Variants in TTC6 observed in about 807,000 individuals in gnomAD.
TTC6 encodes the protein tetratricopeptide repeat domain 6.
In TTC6, 172 loss-of-function variants were observed where a neutral mutation model predicts 210.4. The ratio of observed to expected loss-of-function variants is 0.82; its 90% confidence interval spans 0.72 to 0.93. TTC6 has a LOEUF of 0.93. Among genes scored for constraint, TTC6 ranks in the 40% least tolerant of loss-of-function variants. The pLI is 0.00. For missense variants in TTC6, 2,414 were observed against 2,318.1 expected (o/e 1.04, Z -0.85); for synonymous variants, 804 against 819.6 (o/e 0.98, Z 0.32).
At chr14:37,610,425 G>A (rs1218043865) in intron 2 of TTC6, among the ~76,000 whole-genome samples, 1 of 152,188 alleles carries the variant, frequency 6.6e-6, no homozygotes, top group Non-Finnish European at 1.5e-5. Flanking sequence ...TTTGGAGAGA[G>A]AGGGGTTGGT....
chr14:37,659,300 C>G (rs1393073219), intron 1 of TTC6, among the ~76,000 whole-genome samples: 1 of 151,964 alleles, frequency 6.6e-6, no homozygotes, highest in Non-Finnish European at 1.5e-5. Flanking sequence ...ATGTAACAAC[C>G]TAAATGGGAT....
intron 2 of TTC6, among the ~76,000 whole-genome samples, chr14:37,613,806 G>A (rs1248590312): frequency 6.6e-6 from 1 of 151,136 alleles, no homozygotes; most frequent in Non-Finnish European, 1.5e-5. Flanking sequence ...AGGTTTTATA[G>A]TGAAATCCTC....
At chr14:37,705,740 C>T (rs765139889) in intron 5 of TTC6, among the ~76,000 whole-genome samples, 19 of 137,360 alleles carry the variant, frequency 1.4e-4, no homozygotes, top group East Asian at 6.7e-4. Context: ...ACTGTGAATG[C>T]GACAATTAAT....
intron 24 of TTC6, among the ~76,000 whole-genome samples, chr14:37,809,364 C>T (rs1026812202): frequency 2.6e-5 from 4 of 151,262 alleles, no homozygotes; most frequent in Admixed American, 6.6e-5. Context: ...GCCATTCTCC[C>T]GCCTCAGCCT....
chr14:37,792,281 A>T (rs1371287132), exon 17 of TTC6: 1 of 1,514,652 alleles, frequency 6.6e-7, no homozygotes, highest in South Asian at 1.3e-5. Context: ...ACTTTGGCTT[A>T]TGTAAATATT....
intron 5 of TTC6, among the ~76,000 whole-genome samples, chr14:37,711,302 A>G (rs1023467115): frequency 5.3e-5 from 8 of 152,146 alleles, no homozygotes; most frequent in East Asian, 1.9e-4. Flanking sequence ...AAACAAGCCT[A>G]TGCTCTACTG....
At chr14:37,685,837 A>G (rs1196467403) in intron 3 of TTC6, among the ~76,000 whole-genome samples, 1 of 152,146 alleles carries the variant, frequency 6.6e-6, no homozygotes, top group East Asian at 1.9e-4. Flanking sequence ...GGCAACTGCA[A>G]ATATGACTTT....
In TTC6 at chr14:37,823,871, A is replaced by G. The variant is rs373123106; in HGVS notation, c.4888A>G (p.Lys1630Glu). Residue 1630 changes from lysine to glutamate, a missense_variant, in exon 27 of 31, where the codon AAG becomes GAG. Lys to Glu is a moderately conservative substitution (Grantham distance 56, BLOSUM62 1). Transcript: ENST00000553443. Reference sequence around the variant, plus strand: ...GGAATACGGTCATGATGAAGCCACCAAGCAAGCACAGAAAGACTTTCTGAA... The same window carrying G: ...GGAATACGGTCATGATGAAGCCACCGAGCAAGCACAGAAAGACTTTCTGAA... The G allele has an allele frequency of 5.6e-6, 9 of 1,613,920 alleles. No individual in the cohort carries two copies. In the Admixed American group the frequency reaches 6.7e-5, roughly 12 times the overall value.
At chr14:37,632,570 A>G (rs1441758886) in intron 1 of TTC6, among the ~76,000 whole-genome samples, 3 of 152,108 alleles carry the variant, frequency 2.0e-5, no homozygotes, top group African/African-American at 4.8e-5. Context: ...GCTGGGAGGT[A>G]TTGCTCTGTC....
At chr14:37,649,953 T>C (rs1356888789) in intron 1 of TTC6, among the ~76,000 whole-genome samples, 1 of 152,234 alleles carries the variant, frequency 6.6e-6, no homozygotes, top group Non-Finnish European at 1.5e-5. Context: ...TTTAATTACA[T>C]CGTAACTGCT....
At chr14:37,731,399 C>T (rs2138880370) in intron 7 of TTC6, among the ~76,000 whole-genome samples, 1 of 152,168 alleles carries the variant, frequency 6.6e-6, no homozygotes, top group East Asian at 1.9e-4. Flanking sequence ...AAATCACAAA[C>T]CAAAAGCACA....
intron 24 of TTC6, among the ~76,000 whole-genome samples, chr14:37,810,778 A>G (rs2096127976): frequency 1.3e-5 from 2 of 152,200 alleles, no homozygotes; most frequent in African/African-American, 4.8e-5. Context: ...TTCTCCCAAG[A>G]TATAGTTTCA....
At chr14:37,740,174 A>AAT (rs1333226798) in intron 10 of TTC6, among the ~76,000 whole-genome samples, 2 of 151,686 alleles carry the variant, frequency 1.3e-5, no homozygotes, top group African/African-American at 4.8e-5. Flanking sequence ...AAAAAAAAAA[A>AAT]AAAGTAAATA....
intron 1 of TTC6, among the ~76,000 whole-genome samples, chr14:37,626,713 A>G (rs2095660939): frequency 6.6e-6 from 1 of 152,188 alleles, no homozygotes; most frequent in African/African-American, 2.4e-5. Context: ...GAAGCTGGTA[A>G]CATACATAGG....
At chr14:37,651,008 A>C (rs1353495874) in intron 1 of TTC6, among the ~76,000 whole-genome samples, 1 of 152,176 alleles carries the variant, frequency 6.6e-6, no homozygotes, top group Non-Finnish European at 1.5e-5. Context: ...TTTAAAACTT[A>C]ATGATGCAGT....
At chr14:37,789,961 T>A (rs1482964174) in intron 15 of TTC6, among the ~76,000 whole-genome samples, 1 of 152,028 alleles carries the variant, frequency 6.6e-6, no homozygotes, top group African/African-American at 2.4e-5. Flanking sequence ...TCAAAACTTG[T>A]GGAAACCCCA....
At chr14:37,725,746 G>T (rs2095871886) in intron 7 of TTC6, among the ~76,000 whole-genome samples, 1 of 152,042 alleles carries the variant, frequency 6.6e-6, no homozygotes, top group Non-Finnish European at 1.5e-5. Context: ...CTTTTTGAAA[G>T]AATGTTTTAT....
chr14:37,835,021 C>T (rs537213042), intron 29 of TTC6, among the ~76,000 whole-genome samples: 1 of 152,204 alleles, frequency 6.6e-6, no homozygotes, highest in Admixed American at 6.5e-5. Flanking sequence ...TGAAGCTTTG[C>T]TGGAAATGGT....
chr14:37,796,758 G>T (rs1414672379), intron 19 of TTC6, 29 bp from the exon 22 acceptor site: 1 of 1,581,624 alleles, frequency 6.3e-7, no homozygotes, highest in Non-Finnish European at 8.6e-7. Flanking sequence ...ACTTGGCAAA[G>T]ATATTGATAA....
Sources: allele counts gnomAD v4.1 joint callset (sites outside exome capture counted in the v4.1 genomes callset), GRCh38; gene constraint gnomAD v4.1.1; transcripts MANE v1.5; gene names NCBI Gene and HGNC (gene_info 2026-07-23, HGNC 2026-07-21).